The following CERS6 variants were observed in gnomAD, a reference collection of about 807,000 sequenced individuals.
CERS6 encodes the protein ceramide synthase 6.
A neutral mutation model predicts 56.8 loss-of-function variants in CERS6; 26 were observed. The observed-to-expected ratio is 0.46, with a 90% CI of 0.34 to 0.63. CERS6 has a LOEUF of 0.63. Ranked by LOEUF, CERS6 falls within the 30% of genes least tolerant of loss-of-function variation. The pLI is 0.01. For synonymous variants in CERS6, 164 were observed against 173.3 expected, an observed-to-expected ratio of 0.95 and a Z score of 0.42; for missense variants, 415 against 467.5, an observed-to-expected ratio of 0.89 and a Z score of 1.04.
chr2:168,696,496 A>C (rs879546878), intron 6 of CERS6, among the ~76,000 whole-genome samples: 1 of 152,218 alleles, frequency 6.6e-6, no homozygotes, highest in Non-Finnish European at 1.5e-5. Flanking sequence ...ACAAAGTTCA[A>C]ATACGTGGAG....
intron 1 of CERS6, among the ~76,000 whole-genome samples, chr2:168,547,163 G>T (rs1037476290): frequency 6.6e-6 from 1 of 152,124 alleles, no homozygotes; most frequent in East Asian, 1.9e-4. Context: ...TTATGACTAC[G>T]GGTGGTCAAA....
At chr2:168,664,832 G>C (rs982647293) in intron 4 of CERS6, among the ~76,000 whole-genome samples, 2 of 152,128 alleles carry the variant, frequency 1.3e-5, no homozygotes, top group Non-Finnish European at 2.9e-5. Context: ...CTGTGACTTA[G>C]AATGCCTTAA....
At chr2:168,742,433 C>G (rs1297480585) in intron 8 of CERS6, among the ~76,000 whole-genome samples, 1 of 152,194 alleles carries the variant, frequency 6.6e-6, no homozygotes, top group Non-Finnish European at 1.5e-5. Flanking sequence ...ACGAGGGACA[C>G]TCTGGGCTGC....
At chr2:168,766,322 G>C (rs1326171546) in intron 9 of CERS6, 2 of 1,598,010 alleles carry the variant, frequency 1.3e-6, no homozygotes, top group East Asian at 4.5e-5. Flanking sequence ...ACCCTGGAAG[G>C]CTGGGAAGTG....
chr2:168,601,503 C>T (rs1325528983), intron 3 of CERS6, among the ~76,000 whole-genome samples: 1 of 151,296 alleles, frequency 6.6e-6, no homozygotes, highest in African/African-American at 2.4e-5. Flanking sequence ...CATCTCATTT[C>T]ATAGAGGAGA....
intron 4 of CERS6, among the ~76,000 whole-genome samples, chr2:168,645,386 C>T (rs1170822603): frequency 2.7e-5 from 4 of 149,914 alleles, no homozygotes; most frequent in Non-Finnish European, 5.9e-5. Context: ...AGGAGAGGGG[C>T]GAAAAGAGGT....
At chr2:168,757,724 A>T (rs948358883) in intron 8 of CERS6, among the ~76,000 whole-genome samples, 4 of 152,166 alleles carry the variant, frequency 2.6e-5, no homozygotes, top group Admixed American at 6.5e-5. Flanking sequence ...TCTACAAAAA[A>T]ATTAAGAAAA....
intron 8 of CERS6, among the ~76,000 whole-genome samples, chr2:168,764,272 A>G (rs1362848719): frequency 6.6e-6 from 1 of 152,028 alleles, no homozygotes; most frequent in Non-Finnish European, 1.5e-5. Flanking sequence ...CCTCCCTAGT[A>G]GCTGGGACTA....
At chr2:168,668,483 G>T (rs181010147) in intron 4 of CERS6, among the ~76,000 whole-genome samples, 7 of 127,752 alleles carry the variant, frequency 5.5e-5, no homozygotes, top group Non-Finnish European at 7.9e-5. Flanking sequence ...GTCTCATTCT[G>T]TCGCCCAGGC....
At chr2:168,681,948 T>C (rs1227827938) in intron 4 of CERS6, among the ~76,000 whole-genome samples, 1 of 152,246 alleles carries the variant, frequency 6.6e-6, no homozygotes, top group East Asian at 1.9e-4. Flanking sequence ...CTCATTCATA[T>C]TGCTACAAAT....
intron 6 of CERS6, among the ~76,000 whole-genome samples, chr2:168,697,536 G>C (rs1686684923): frequency 6.7e-6 from 1 of 149,564 alleles, no homozygotes; most frequent in Non-Finnish European, 1.5e-5. Context: ...ATATAACAGA[G>C]AGCTAGAACA....
At chr2:168,546,505 A>C (rs1388541200) in intron 1 of CERS6, among the ~76,000 whole-genome samples, 1 of 152,118 alleles carries the variant, frequency 6.6e-6, no homozygotes, top group Non-Finnish European at 1.5e-5. Context: ...ACCCAGTAGG[A>C]TATTATGTGG....
At chr2:168,709,273 G>T (rs578214973) in intron 6 of CERS6, among the ~76,000 whole-genome samples, 1 of 152,092 alleles carries the variant, frequency 6.6e-6, no homozygotes. Flanking sequence ...ACTTTTCTAG[G>T]TTCCCTAAAT....
chr2:168,596,136 ATATT>A (rs1474131416), intron 3 of CERS6, among the ~76,000 whole-genome samples: 4 of 152,114 alleles, frequency 2.6e-5, no homozygotes, highest in African/African-American at 9.7e-5. Context: ...CCAAAATTCA[ATATT>A]TGTTTGTAAA....
chr2:168,750,611 A>G (rs1448538095), intron 8 of CERS6, among the ~76,000 whole-genome samples: 1 of 152,228 alleles, frequency 6.6e-6, no homozygotes, highest in Non-Finnish European at 1.5e-5. Context: ...GCTACAGAGT[A>G]TCTACCATAT....
chr2:168,762,252 G>C (rs911929742), intron 8 of CERS6, among the ~76,000 whole-genome samples: 1 of 152,086 alleles, frequency 6.6e-6, no homozygotes, highest in Non-Finnish European at 1.5e-5. Context: ...AATGTTTCCT[G>C]TTATGGGACA....
At chr2:168,710,770 T>C (rs1331297112) in intron 6 of CERS6, among the ~76,000 whole-genome samples, 1 of 152,218 alleles carries the variant, frequency 6.6e-6, no homozygotes, top group South Asian at 2.1e-4. Flanking sequence ...CAGAAGTAGG[T>C]AAAACTGGTA....
chr2:168,644,588 T>C (rs1354459238), intron 4 of CERS6, among the ~76,000 whole-genome samples: 1 of 152,156 alleles, frequency 6.6e-6, no homozygotes, highest in Non-Finnish European at 1.5e-5. Flanking sequence ...TGCTCCTTGT[T>C]GTCCCTGGCA....
At chr2:168,489,154 G>A (rs1376078431) in intron 1 of CERS6, among the ~76,000 whole-genome samples, 1 of 152,028 alleles carries the variant, frequency 6.6e-6, no homozygotes, top group Non-Finnish European at 1.5e-5. Context: ...TTTCCTGAAG[G>A]ATGTTATTGA....
Sources: gnomAD v4.1 joint callset for allele counts (sites outside exome capture counted in the v4.1 genomes callset) on GRCh38, gnomAD v4.1.1 for gene constraint, MANE v1.5 for transcripts, NCBI Gene and HGNC (gene_info 2026-07-23, HGNC 2026-07-21) for gene names.